Variants in HEATR3 observed in about 807,000 individuals in gnomAD.
HEATR3 encodes the protein HEAT repeat-containing protein 3.
A neutral mutation model predicts 72.8 loss-of-function variants in HEATR3; 56 were observed. The ratio of observed to expected loss-of-function variants is 0.77; its 90% CI spans 0.62 to 0.96. HEATR3 has a LOEUF of 0.96. HEATR3 is among the 40% of genes least tolerant of loss of function. HEATR3 has a pLI of 0.00. For missense variants in HEATR3, 747 were observed against 831.4 expected (o/e 0.90, Z 1.25); for synonymous variants, 331 against 318.1 (o/e 1.04, Z -0.43).
At position 50,065,974 on chromosome 16, in the gene HEATR3, G is replaced by A. The variant is rs1391983032; in HGVS notation, c.-158G>A. On this transcript the variant is annotated 5_prime_UTR_variant, in exon 1 of 15. Coordinates refer to ENST00000299192, the MANE Select transcript of HEATR3 (RefSeq NM_182922.4). ...CCGCCCCAACCCCGACCCGGCAGAC[G>A]ACGCGCCGTGCGCCTGCGCACGGCT... is the stretch of plus-strand genomic sequence containing the variant. 3.8e-5 allele frequency: 7 copies of A among 185,778 alleles called. No individual in the cohort carries two copies. Among genetic ancestry groups the A allele is most frequent in the Non-Finnish European group, 7.1e-5 (7 of 99,154 alleles). The allele number at this position is 185,778 out of a possible 1,614,324, so 11.5% of individuals were successfully genotyped here.
In HEATR3 at chr16:50,094,785, A is replaced by G; in HGVS notation, c.1591A>G (p.Ile531Val). The G allele has an allele frequency of 6.3e-7, 1 of 1,591,816 alleles. No homozygotes were observed. Among genetic ancestry groups the G allele is most frequent in the Admixed American group, 1.8e-5 (1 of 56,802 alleles). Residue 531 changes from isoleucine to valine, a missense_variant, in exon 12 of 15, where the codon ATT (isoleucine) becomes GTT (valine). Ile to Val is a conservative substitution (Grantham distance 29). Coordinates refer to ENST00000299192, the MANE Select transcript of HEATR3 (RefSeq NM_182922.4). ...ALLQTMASKN[I>V]SQCMTPDQLM... The stretch of plus-strand genomic sequence containing the variant: ...TTTGCAAACAATGGCCTCCAAGAAC[A>G]TTTCCCAGGTAAGAGTTTTAAAATT...
At chr16:50,077,341 G>A (rs2036758707) in intron 6 of HEATR3, among the ~76,000 whole-genome samples, 1 of 149,126 alleles carries the variant, frequency 6.7e-6, no homozygotes, top group South Asian at 2.1e-4. Context: ...TTTTTGTAGA[G>A]ATGGCATCTC....
Position 50,084,295 on chromosome 16 carries a change from AT to A in HEATR3, c.1290+5del. 1 of 1,612,736 alleles carries A rather than the reference AT, an allele frequency of 6.2e-7. No individual in the cohort carries two copies. Among genetic ancestry groups the A allele is most frequent in the Non-Finnish European group, 8.5e-7 (1 of 1,179,662 alleles). The stretch of plus-strand genomic sequence containing the variant: ...CAACTACCTCATCCCAAAGAAGGTA[AT>A]CCATTTTCATTCTAGGCTTACCGTG... On this transcript the variant is annotated splice_donor_5th_base_variant and intron_variant, in intron 9 of 14. Transcript: ENST00000299192.
chr16:50,073,880 A>C (rs1156311312), intron 5 of HEATR3: 1 of 152,232 alleles, frequency 6.6e-6, no homozygotes, highest in Non-Finnish European at 1.5e-5. Flanking sequence ...GATTTTTTAA[A>C]ATACATTATT....
intron 5 of HEATR3, among the ~76,000 whole-genome samples, 195 bp from the exon 6 acceptor site, chr16:50,075,373 CATG>C (rs1209329655): frequency 7.1e-6 from 1 of 141,022 alleles, no homozygotes; most frequent in Non-Finnish European, 1.6e-5. Context: ...AGAAAAGAAA[CATG>C]ATCTTTTCCA....
At chr16:50,104,739 A>G (rs2037443640) in intron 14 of HEATR3, among the ~76,000 whole-genome samples, 200 bp from the exon 15 acceptor site, 1 of 152,182 alleles carries the variant, frequency 6.6e-6, no homozygotes, top group Non-Finnish European at 1.5e-5. Flanking sequence ...CTTTGTAACT[A>G]TCATTTTTAA....
intron 11 of HEATR3, among the ~76,000 whole-genome samples, chr16:50,088,571 T>C (rs1485188116): frequency 6.6e-6 from 1 of 152,210 alleles, no homozygotes; most frequent in Admixed American, 6.5e-5. Flanking sequence ...GACCAGATGA[T>C]GGCTGTAGCT....
intron 7 of HEATR3, among the ~76,000 whole-genome samples, chr16:50,080,758 A>G (rs1448803651): frequency 6.6e-6 from 1 of 152,212 alleles, no homozygotes; most frequent in Non-Finnish European, 1.5e-5. Context: ...GGCGTGCACC[A>G]TGGTACCCAA....
At position 50,102,774 on chromosome 16, in the gene HEATR3, T is replaced by G. The variant is rs541367730; in HGVS notation, c.1920+339T>G. 9.2e-4 allele frequency among the ~76,000 whole-genome samples: 140 copies of G among 152,272 alleles called. 1 individual carries two copies. The highest frequency in any genetic ancestry group is 6.8e-3 in the Middle Eastern group (2 of 294). ...ATTTATTTAATTTTACTTTTTTTTG[T>G]TTTTTTGAGACAGAATCTCACTCTG... On this transcript the variant is annotated intron_variant, in intron 14 of 14. Transcript: ENST00000299192.
intron 8 of HEATR3, 46 bp from the exon 9 acceptor site, chr16:50,084,088 G>A (rs765301804): frequency 6.2e-7 from 1 of 1,614,012 alleles, no homozygotes; most frequent in Admixed American, 1.7e-5. Flanking sequence ...CTCCCGTGGA[G>A]ATTTTCTTAA....
intron 12 of HEATR3, among the ~76,000 whole-genome samples, chr16:50,095,845 A>G (rs555576527): frequency 6.6e-6 from 1 of 152,238 alleles, no homozygotes; most frequent in South Asian, 2.1e-4. Context: ...AGACCCATCA[A>G]TATTTTATTA....
intron 11 of HEATR3, among the ~76,000 whole-genome samples, 170 bp from the exon 12 acceptor site, chr16:50,094,535 G>C (rs1354783979): frequency 2.0e-5 from 3 of 152,014 alleles, no homozygotes; most frequent in Non-Finnish European, 4.4e-5. Context: ...AGTGTACAGG[G>C]GGCTGTTAAC....
At position 50,070,199 on chromosome 16, in the gene HEATR3, A is replaced by C. The variant is rs772088061; in HGVS notation, c.421A>C (p.Asn141His). Residue 141 changes from asparagine to histidine, a missense_variant, in exon 4 of 15, where the codon AAT (asparagine) becomes CAT (histidine). Transcript: ENST00000299192. ...ACAGTGTAGTGCTGGACTGGATTCA[A>C]ATGAGATGTCTCTGCAGGAGAAAAA... is the stretch of plus-strand genomic sequence containing the variant. ...LKECSAGLDS[N>H]EMSLQEKKDQ... 6.2e-7 allele frequency: 1 copy of C among 1,601,252 alleles called. No homozygotes were observed. Among genetic ancestry groups the C allele is most frequent in the Non-Finnish European group, 8.5e-7 (1 of 1,171,042 alleles).
intron 14 of HEATR3, among the ~76,000 whole-genome samples, chr16:50,104,302 A>T (rs2037432905): frequency 6.6e-6 from 1 of 152,128 alleles, no homozygotes; most frequent in Admixed American, 6.6e-5. Context: ...GCAGTGACCC[A>T]TGACTGCAGC....
At chr16:50,102,615 C>T (rs1477132) in intron 14 of HEATR3, among the ~76,000 whole-genome samples, 180 bp downstream of exon 14, 151,762 of 152,302 alleles carry the variant, frequency 1, 75,616 homozygotes, top group Middle Eastern at 1. Flanking sequence ...AGTGTGACTA[C>T]TGAATCATTG....
intron 7 of HEATR3, 110 bp from the exon 8 acceptor site, chr16:50,083,827 C>G (rs2036924275): frequency 1.1e-6 from 1 of 871,874 alleles, no homozygotes; most frequent in Non-Finnish European, 1.8e-6. Flanking sequence ...TCCCCGTGTG[C>G]TCTATTCCAA....
At chr16:50,096,393 G>GAT (rs2037238648) in intron 12 of HEATR3, among the ~76,000 whole-genome samples, 1 of 151,042 alleles carries the variant, frequency 6.6e-6, no homozygotes, top group Non-Finnish European at 1.5e-5. Context: ...TTCAAATCAG[G>GAT]ATCTAAGCAA....
At chr16:50,067,177 GA>G (rs1406287499) in intron 2 of HEATR3, among the ~76,000 whole-genome samples, 2 of 152,008 alleles carry the variant, frequency 1.3e-5, no homozygotes, top group Admixed American at 6.6e-5. Context: ...AACATAGCAA[GA>G]CCCCGTCTGT....
intron 7 of HEATR3, chr16:50,080,022 A>G (rs1200147455): frequency 6.6e-6 from 1 of 152,526 alleles, no homozygotes; most frequent in Non-Finnish European, 1.5e-5. Flanking sequence ...GGGGTGAGAA[A>G]AAGCAGGTTA....
Sources: gnomAD v4.1 joint callset for allele counts (sites outside exome capture counted in the v4.1 genomes callset) on GRCh38, gnomAD v4.1.1 for gene constraint, MANE v1.5 for transcripts, NCBI Gene and HGNC (gene_info 2026-07-23, HGNC 2026-07-21) for gene names.